Variants in SLC41A2 observed in about 807,000 individuals in gnomAD.
The protein encoded by SLC41A2 is SLC41A1-like 1.
SLC41A2 carries 32 observed loss-of-function variants against 58.3 expected under a neutral mutation model. That is an observed-to-expected ratio of 0.55 (90% CI 0.41 to 0.74). The LOEUF (loss-of-function observed/expected upper bound fraction) is 0.74. Ranked by LOEUF, SLC41A2 falls within the 30% of genes least tolerant of loss-of-function variation. The pLI is 0.00. For synonymous variants in SLC41A2, 190 were observed against 235.0 expected (o/e 0.81, Z 1.75); for missense variants, 514 against 680.6 (o/e 0.76, Z 2.72).
intron 8 of SLC41A2, among the ~76,000 whole-genome samples, chr12:104,849,678 A>G (rs1383010826): frequency 1.3e-5 from 2 of 152,286 alleles, no homozygotes; most frequent in Non-Finnish European, 2.9e-5. Flanking sequence ...AAATAAAAAA[A>G]TTAGCTGGGT....
intron 4 of SLC41A2, among the ~76,000 whole-genome samples, chr12:104,892,306 T>A (rs11112227): frequency 0.024 from 2,857 of 120,344 alleles, 154 homozygotes; most frequent in African/African-American, 0.08. Flanking sequence ...AAAAAAAAAA[T>A]AAAATAAAAT....
intron 3 of SLC41A2, among the ~76,000 whole-genome samples, chr12:104,905,435 G>A (rs1321351711): frequency 6.6e-5 from 10 of 152,250 alleles, no homozygotes; most frequent in African/African-American, 2.4e-4. Flanking sequence ...AGACTCAGGA[G>A]CCCAGCTGGC....
intron 8 of SLC41A2, among the ~76,000 whole-genome samples, chr12:104,860,546 C>T (rs555746150): frequency 4.1e-4 from 63 of 151,934 alleles, no homozygotes; most frequent in African/African-American, 1.5e-3. Context: ...AAATATACGA[C>T]AGATTTTTAA....
chr12:104,923,420 G>C (rs1249278826), intron 2 of SLC41A2, among the ~76,000 whole-genome samples: 1 of 147,918 alleles, frequency 6.8e-6, no homozygotes, highest in African/African-American at 2.5e-5. Flanking sequence ...GCACCCCAAG[G>C]AACTAGAAAA....
intron 8 of SLC41A2, among the ~76,000 whole-genome samples, chr12:104,858,438 TA>T (rs925668399): frequency 1.3e-5 from 2 of 151,934 alleles, no homozygotes; most frequent in Non-Finnish European, 2.9e-5. Flanking sequence ...ACAACATGTA[TA>T]AAAAAAACCT....
intron 1 of SLC41A2, among the ~76,000 whole-genome samples, chr12:104,943,664 G>A (rs148320117): frequency 0.012 from 1,890 of 152,170 alleles, 52 homozygotes; most frequent in African/African-American, 0.044. Context: ...CAGTTAGAGC[G>A]GTCATCGGCC....
At chr12:104,949,542 AACT>A (rs1410500531) in intron 1 of SLC41A2, among the ~76,000 whole-genome samples, 33 of 152,156 alleles carry the variant, frequency 2.2e-4, no homozygotes, top group Admixed American at 1.9e-3. Flanking sequence ...AGTGTTCACC[AACT>A]ACAAGTTGAA....
chr12:104,843,554 C>G (rs954857534), intron 10 of SLC41A2, among the ~76,000 whole-genome samples: 1 of 152,012 alleles, frequency 6.6e-6, no homozygotes, highest in Non-Finnish European at 1.5e-5. Flanking sequence ...AAGCCCTGTG[C>G]TTTCTCACCT....
intron 3 of SLC41A2, among the ~76,000 whole-genome samples, chr12:104,907,781 C>T (rs1327669373): frequency 6.6e-6 from 1 of 152,164 alleles, no homozygotes; most frequent in Non-Finnish European, 1.5e-5. Context: ...GATAATAGTG[C>T]TTATTCCATA....
At chr12:104,958,319 T>C (rs1176075730), upstream of SLC41A2, 5 of 148,116 alleles carry the variant, frequency 3.4e-5, no homozygotes, top group South Asian at 2.0e-4. Context: ...CGCGGCCCCC[T>C]GACTCCCCGC....
chr12:104,882,596 A>G (rs908052887), intron 6 of SLC41A2, among the ~76,000 whole-genome samples: 2 of 151,648 alleles, frequency 1.3e-5, no homozygotes, highest in Non-Finnish European at 2.9e-5. Context: ...TTGGCTGGAT[A>G]TGAAATTCTG....
chr12:104,810,844 G>C (rs1359060732), intron 10 of SLC41A2, among the ~76,000 whole-genome samples: 1 of 152,170 alleles, frequency 6.6e-6, no homozygotes, highest in African/African-American at 2.4e-5. Context: ...ACAGCTTGCA[G>C]GTGGAGTCAG....
chr12:104,815,473 T>C (rs1190067693), intron 10 of SLC41A2, among the ~76,000 whole-genome samples: 2 of 152,196 alleles, frequency 1.3e-5, no homozygotes, highest in Non-Finnish European at 2.9e-5. Flanking sequence ...AATATATATA[T>C]TTGCTTTGGA....
chr12:104,861,277 T>C lies in SLC41A2; in HGVS notation c.1255+14A>G. ...GATTTGATATTATCATGAAACAGTA[T>C]ATCTAATTCTTACCATTAATAACTG... On this transcript the variant is annotated intron_variant, in intron 8 of 10. Coordinates refer to ENST00000258538, the MANE Select transcript of SLC41A2 (RefSeq NM_001352171.3). The C allele has an allele frequency of 6.4e-7, 1 of 1,568,506 alleles. No individual in the cohort carries two copies. Among genetic ancestry groups the C allele is most frequent in the Non-Finnish European group, 8.8e-7 (1 of 1,140,128 alleles).
In SLC41A2 at chr12:104,917,626, C is replaced by G. The variant is rs559689946; in HGVS notation, c.556-7864G>C. 8.7e-3 allele frequency among the ~76,000 whole-genome samples: 1,317 copies of G among 151,316 alleles called. 17 individuals are homozygous for G. Among genetic ancestry groups the G allele is most frequent in the African/African-American group, 0.029 (1,213 of 41,238 alleles). ...TTAAGAAAATGTGGCACATATACAC[C>G]ATGGAATACTATGCAGCCATAAAAA... On this transcript the variant is annotated intron_variant, in intron 2 of 10. Transcript: ENST00000258538.
chr12:104,844,929 A>T (rs1249682708), intron 9 of SLC41A2, among the ~76,000 whole-genome samples: 1 of 151,092 alleles, frequency 6.6e-6, no homozygotes, highest in Admixed American at 6.6e-5. Flanking sequence ...TTTTAATTTT[A>T]TTAATTTCTT....
At chr12:104,892,956 G>A (rs1266326748) in intron 4 of SLC41A2, among the ~76,000 whole-genome samples, 3 of 152,080 alleles carry the variant, frequency 2.0e-5, no homozygotes, top group Admixed American at 6.6e-5. Flanking sequence ...AATTTATTGA[G>A]TAATATCCCA....
Position 104,804,511 on chromosome 12 carries a change from CACTCA to C in SLC41A2, c.*636_*640del, listed in dbSNP as rs1352209743. On this transcript the variant is annotated 3_prime_UTR_variant, in exon 11 of 11. Coordinates refer to ENST00000258538, the MANE Select transcript of SLC41A2 (RefSeq NM_001352171.3). ...GCTTTCATTAACAATCTCTCAAGAT[CACTCA>C]ATGTTTAAAGATTAGCCTGACAAGA... 1.3e-5 allele frequency: 2 copies of C among 152,210 alleles called. No individual in the cohort carries two copies. Among genetic ancestry groups the C allele is most frequent in the African/African-American group, 4.8e-5 (2 of 41,460 alleles). The allele number at this position is 152,210 out of a possible 1,614,324, so 9.4% of individuals were successfully genotyped here. A position where few individuals can be genotyped will look rare whatever the true frequency, so the allele number is the denominator to read the frequency against.
intron 1 of SLC41A2, among the ~76,000 whole-genome samples, chr12:104,952,379 G>A (rs1015748245): frequency 9.9e-5 from 15 of 151,968 alleles, no homozygotes; most frequent in Non-Finnish European, 2.2e-4. Context: ...TTATGAACTG[G>A]GAAATTCCAA....
Sources: gnomAD v4.1 joint callset for allele counts (sites outside exome capture counted in the v4.1 genomes callset) on GRCh38, gnomAD v4.1.1 for gene constraint, MANE v1.5 for transcripts, NCBI Gene and HGNC (gene_info 2026-07-23, HGNC 2026-07-21) for gene names.